Variants in TRPM3 observed in about 807,000 individuals in gnomAD.
TRPM3 encodes the protein transient receptor potential cation channel subfamily M member 3, also known as long transient receptor potential channel 3.
A neutral mutation model predicts 181.2 loss-of-function variants in TRPM3; 77 were observed. The observed-to-expected ratio is 0.42, with a 90% CI of 0.35 to 0.51. The LOEUF is 0.51. TRPM3 is among the 20% of genes least tolerant of loss of function. The probability of loss-of-function intolerance (pLI) is 0.01; values close to 1 mark genes in which losing one functional copy is unlikely to be tolerated. For missense variants in TRPM3, 1,759 were observed against 2,196.7 expected, an observed-to-expected ratio of 0.80 and a Z score of 3.98; for synonymous variants, 745 against 796.4, an observed-to-expected ratio of 0.94 and a Z score of 1.09.
intron 1 of TRPM3, among the ~76,000 whole-genome samples, chr9:71,311,241 C>A (rs2087900464): frequency 6.6e-6 from 1 of 152,134 alleles, no homozygotes; most frequent in South Asian, 2.1e-4. Context: ...GTAAATTCAT[C>A]TTTTCTCCTG....
intron 1 of TRPM3, among the ~76,000 whole-genome samples, chr9:71,304,126 A>G (rs2087037063): frequency 6.6e-6 from 1 of 152,254 alleles, no homozygotes; most frequent in Non-Finnish European, 1.5e-5. Context: ...AACTGCACAC[A>G]TAATTGATGC....
chr9:71,299,789 A>G (rs1360091393), intron 1 of TRPM3, among the ~76,000 whole-genome samples: 1 of 152,134 alleles, frequency 6.6e-6, no homozygotes, highest in Admixed American at 6.6e-5. Context: ...GCACATTTAT[A>G]AAGAAACTGA....
chr9:71,074,779 C>A lies in TRPM3; in HGVS notation c.177+46399G>T, dbSNP rs912780403. ...TATTACTAAAAACATAGAGACCTGG[C>A]AATTCTGGATGCAAACAGAATTCAT... On this transcript the variant is annotated intron_variant, in intron 1 of 25. Coordinates refer to ENST00000677713, the MANE Select transcript of TRPM3 (RefSeq NM_001366145.2). Among the ~76,000 whole-genome samples, 21 of 152,044 alleles carry A rather than the reference C, an allele frequency of 1.4e-4. 1 individual carries two copies. Among genetic ancestry groups the A allele is most frequent in the Admixed American group, 1.4e-3 (21 of 15,254 alleles).
At chr9:70,747,555 T>C (rs765317280) in intron 8 of TRPM3, among the ~76,000 whole-genome samples, 1 of 152,126 alleles carries the variant, frequency 6.6e-6, no homozygotes, top group Non-Finnish European at 1.5e-5. Flanking sequence ...CTATCAGGCA[T>C]TTCTATGGCA....
chr9:70,869,137 A>C, intron 1 of TRPM3: 1 of 840,868 alleles, frequency 1.2e-6, no homozygotes, highest in Non-Finnish European at 1.4e-6. Context: ...TCTTCCCCCA[A>C]GAGACGTTTC....
intron 1 of TRPM3, among the ~76,000 whole-genome samples, chr9:71,223,918 AC>A (rs2080406283): frequency 6.6e-6 from 1 of 152,092 alleles, no homozygotes; most frequent in Non-Finnish European, 1.5e-5. Flanking sequence ...CTAGGCCCAG[AC>A]TCCTGCACAG....
intron 1 of TRPM3, among the ~76,000 whole-genome samples, chr9:70,866,635 G>A (rs112038157): frequency 6.6e-6 from 1 of 152,112 alleles, no homozygotes; most frequent in Non-Finnish European, 1.5e-5. Context: ...CTATGAAATT[G>A]GTCTCCCTTT....
At chr9:71,059,011 A>ATTTTTTTTTTTTTTCTTTTTTTTT (rs2060991025) in intron 1 of TRPM3, among the ~76,000 whole-genome samples, 1 of 52,638 alleles carries the variant, frequency 1.9e-5, no homozygotes, top group Non-Finnish European at 3.2e-5. Flanking sequence ...TTGTTTGTTC[A>ATTTTTTTTTTTTTTCTTTTTTTTT]TTTTTTTTTT....
At chr9:71,388,616 T>C (rs2092985607) in intron 1 of TRPM3, among the ~76,000 whole-genome samples, 1 of 152,104 alleles carries the variant, frequency 6.6e-6, no homozygotes, top group Admixed American at 6.6e-5. Context: ...TTGAGAATAG[T>C]TGACAGAGTA....
intron 7 of TRPM3, among the ~76,000 whole-genome samples, chr9:70,777,778 T>A (rs963194246): frequency 6.6e-6 from 1 of 152,148 alleles, no homozygotes; most frequent in South Asian, 2.1e-4. Flanking sequence ...ATAGCACCCA[T>A]AGTACCTAAA....
chr9:70,688,261 TTC>T (rs2067504792), intron 8 of TRPM3, among the ~76,000 whole-genome samples: 2 of 151,398 alleles, frequency 1.3e-5, no homozygotes, highest in South Asian at 4.2e-4. Context: ...TAGCAGGGCA[TTC>T]AAAGACTGCT....
At chr9:71,441,563 G>A (rs983510420) in intron 1 of TRPM3, among the ~76,000 whole-genome samples, 2 of 151,206 alleles carry the variant, frequency 1.3e-5, no homozygotes, top group African/African-American at 2.4e-5. Flanking sequence ...TACTAGCCAC[G>A]TAATCCTTAA....
chr9:70,861,262 G>A (rs1192133708), intron 3 of TRPM3, among the ~76,000 whole-genome samples: 1 of 152,072 alleles, frequency 6.6e-6, no homozygotes, highest in African/African-American at 2.4e-5. Context: ...TCTATAAATT[G>A]TCGGGAATCA....
chr9:71,264,430 C>T (rs1303510389), intron 1 of TRPM3, among the ~76,000 whole-genome samples: 1 of 152,032 alleles, frequency 6.6e-6, no homozygotes, highest in African/African-American at 2.4e-5. Context: ...TTCATTAAAG[C>T]TGGGGGAAGG....
intron 1 of TRPM3, among the ~76,000 whole-genome samples, chr9:71,086,070 C>T (rs2133831244): frequency 6.6e-6 from 1 of 152,086 alleles, no homozygotes; most frequent in African/African-American, 2.4e-5. Flanking sequence ...AGCTACAGGC[C>T]ATTATCCTAA....
At chr9:70,937,313 G>A (rs2096837901) in intron 1 of TRPM3, among the ~76,000 whole-genome samples, 2 of 152,122 alleles carry the variant, frequency 1.3e-5, no homozygotes, top group Non-Finnish European at 2.9e-5. Flanking sequence ...AGCATCTTCA[G>A]GCAAATCTTT....
intron 8 of TRPM3, among the ~76,000 whole-genome samples, chr9:70,743,086 A>G (rs2074454928): frequency 6.6e-6 from 1 of 152,218 alleles, no homozygotes; most frequent in Non-Finnish European, 1.5e-5. Context: ...CACAGAGAAC[A>G]CTATGAACAA....
At chr9:70,670,874 C>T (rs1209550143) in intron 9 of TRPM3, among the ~76,000 whole-genome samples, 1 of 152,094 alleles carries the variant, frequency 6.6e-6, no homozygotes, top group African/African-American at 2.4e-5. Flanking sequence ...TCCCTTTTCA[C>T]ATGGAAGGGA....
intron 1 of TRPM3, among the ~76,000 whole-genome samples, chr9:71,433,975 G>A (rs181411165): frequency 1.4e-4 from 22 of 152,236 alleles, no homozygotes; most frequent in African/African-American, 5.1e-4. Context: ...GGCCAACATG[G>A]AGAAACCCCA....
Sources: gnomAD v4.1 joint callset for allele counts (sites outside exome capture counted in the v4.1 genomes callset) on GRCh38, gnomAD v4.1.1 for gene constraint, MANE v1.5 for transcripts, NCBI Gene and HGNC (gene_info 2026-07-23, HGNC 2026-07-21) for gene names.